RBM14: variants seen among roughly 807,000 people sequenced by gnomAD.
RBM14 encodes RNA-binding protein 14.
Under a neutral mutation model 52.8 loss-of-function variants are expected in RBM14, and 5 were observed. That is an observed-to-expected ratio of 0.09 (90% CI 0.05 to 0.20). The LOEUF (loss-of-function observed/expected upper bound fraction) is 0.20, where lower values mean the gene tolerates loss of function less well. Among genes scored for constraint, RBM14 ranks in the 10% least tolerant of loss-of-function variants. The probability of loss-of-function intolerance (pLI) is 1.00; values close to 1 mark genes in which losing one functional copy is unlikely to be tolerated. For missense variants in RBM14, 780 were observed against 926.6 expected (o/e 0.84, Z 2.05); for synonymous variants, 411 against 401.8 (o/e 1.02, Z -0.28).
Position 66,625,421 on chromosome 11 carries a change from T to C in RBM14, c.1545T>C (p.Pro515=). ...AACCTTCTGCCACCCTGGCAGCTCC[T>C]TACCGCACTCAGTCATCAGCCTCAT... ...GAQPSATLAA[P]YRTQSSASLA... Residue 515 remains proline, a synonymous_variant, in exon 2 of 3, where the codon CCT becomes CCC. Transcript: ENST00000310137. This position sits in a 1 kb window ranked among gnomAD's most constrained non-coding sequence, Gnocchi z 4.2. 6.8e-6 allele frequency: 11 copies of C among 1,613,710 alleles called. No individual in the cohort carries two copies. The highest frequency in any genetic ancestry group is 9.3e-6 in the Non-Finnish European group (11 of 1,179,952).
rs139590810 is a variant in RBM14 at position 66,624,782 on chromosome 11, C to T, written c.906C>T (p.Leu302=). The T allele has an allele frequency of 2.4e-3, 3,949 of 1,614,110 alleles. 11 individuals carry two copies. The highest frequency in any genetic ancestry group is 3.0e-3 in the Non-Finnish European group (3,546 of 1,179,988). The part of the protein sequence containing the change: ...PSSQSAAASS[L]GPYGGAQPSA... ...CCCAGTCTGCTGCAGCTTCTTCACT[C>T]GGCCCATATGGTGGAGCCCAGCCCT... Residue 302 remains leucine, a synonymous_variant, in exon 2 of 3, where the codon CTC becomes CTT. Coordinates refer to ENST00000310137, the MANE Select transcript of RBM14 (RefSeq NM_006328.4). This position sits in a 1 kb window ranked among gnomAD's most constrained non-coding sequence, Gnocchi z 4.7.
In RBM14 at chr11:66,618,591, A is replaced by G. The variant is rs1858954086; in HGVS notation, c.337+1534A>G. 5.6e-6 allele frequency: 4 copies of G among 717,254 alleles called. No individual in the cohort carries two copies. In the East Asian group the frequency reaches 8.0e-5, roughly 14 times the overall value. The allele number at this position is 717,254 out of a possible 1,614,324, so 44.4% of individuals were successfully genotyped here. A position where few individuals can be genotyped will look rare whatever the true frequency, so the allele number is the denominator to read the frequency against. Reference sequence around the variant, plus strand: ...ATGGATTTTTGCTTTTGTTTAGAGTAAAAGAGTGGTGGGGGAGGGTCTCAG... The same window carrying G: ...ATGGATTTTTGCTTTTGTTTAGAGTGAAAGAGTGGTGGGGGAGGGTCTCAG... On this transcript the variant is annotated intron_variant, in intron 1 of 2. Coordinates refer to ENST00000310137, the MANE Select transcript of RBM14 (RefSeq NM_006328.4).
In RBM14 at chr11:66,627,958, G is replaced by A. The variant is rs1358277089; in HGVS notation, c.*1290G>A. ...GAGCTGTACCATGGAGCATCCTCCT[G>A]TGTCCTGCCAACCCCTGCCATTATA... On this transcript the variant is annotated 3_prime_UTR_variant, in exon 3 of 3. Coordinates refer to ENST00000310137, the MANE Select transcript of RBM14 (RefSeq NM_006328.4). Among the ~76,000 whole-genome samples the A allele has an allele frequency of 6.6e-6, 1 of 152,138 alleles. No homozygotes were observed. Among genetic ancestry groups the A allele is most frequent in the Admixed American group, 6.6e-5 (1 of 15,266 alleles).
intron 1 of RBM14, chr11:66,618,416 A>G (rs1357732800): frequency 7.2e-6 from 5 of 696,570 alleles, no homozygotes; most frequent in Non-Finnish European, 1.3e-5. Flanking sequence ...AGTGGGGGAA[A>G]TATAAAGGGT....
chr11:66,616,791 C>T lies in RBM14; in HGVS notation c.71C>T (p.Pro24Leu). 1.2e-6 allele frequency: 2 copies of T among 1,608,986 alleles called. No homozygotes were observed. Among genetic ancestry groups the T allele is most frequent in the Non-Finnish European group, 1.7e-6 (2 of 1,176,758 alleles). ...TPEELAALFA[P>L]YGTVMSCAVM... is the part of the protein sequence containing the mutation. ...GAGGAGCTGGCAGCCCTCTTTGCGCCCTACGGCACGGTCATGAGCTGCGCC... is the reference window on the plus strand; with the variant it reads ...GAGGAGCTGGCAGCCCTCTTTGCGCTCTACGGCACGGTCATGAGCTGCGCC... Residue 24 changes from proline to leucine, a missense_variant, in exon 1 of 3, where the codon CCC (proline) becomes CTC (leucine). Physicochemically the swap from Pro to Leu is moderately conservative, Grantham distance 98 (BLOSUM62 -3). Around this residue, in one of 4 missense-constraint regions of RBM14, gnomAD observed 71 missense variants for 119.2 expected, o/e 0.60. Transcript: ENST00000310137.
In RBM14 at chr11:66,625,268, G is replaced by T; in HGVS notation, c.1392G>T (p.Gln464His). The stretch of plus-strand genomic sequence containing the variant: ...CAATGGCTGGCTCCTATGGGGCCCA[G>T]CCGGTTGTGCAGACCCAGCTGAATA... ...TTPMAGSYGA[Q>H]PVVQTQLNSY... Residue 464 changes from glutamine (Q) to histidine (H), a missense_variant, in exon 2 of 3, where the codon CAG (glutamine) becomes CAT (histidine). Physicochemically the swap from Gln to His is conservative, Grantham distance 24. Around this residue, in one of 4 missense-constraint regions of RBM14, gnomAD observed 675 missense variants for 697.3 expected, o/e 0.97. Coordinates refer to ENST00000310137, the MANE Select transcript of RBM14 (RefSeq NM_006328.4). The surrounding 1 kb of genome is among the most constrained non-coding windows in gnomAD (Gnocchi z 4.2). 6.2e-7 allele frequency: 1 copy of T among 1,612,682 alleles called. No individual in the cohort carries two copies.
chr11:66,618,460 C>T (rs1858949486), intron 1 of RBM14: 1 of 716,718 alleles, frequency 1.4e-6, no homozygotes, highest in Admixed American at 2.0e-5. Context: ...AGTCCTTGTT[C>T]TGCATTAATA....
chr11:66,624,052 T>C lies in RBM14; in HGVS notation c.338-162T>C. 1 of 1,200,960 alleles carries C rather than the reference T, an allele frequency of 8.3e-7. No homozygotes were observed. Among genetic ancestry groups the C allele is most frequent in the Non-Finnish European group, 1.2e-6 (1 of 828,282 alleles). The allele number at this position is 1,200,960 out of a possible 1,614,324, so 74.4% of individuals were successfully genotyped here. ...TGCTTGGGACAGTCAGAAGCTTTGT[T>C]ATATGGGAGCTACATTTTATGACAT... On this transcript the variant is annotated intron_variant, in intron 1 of 2. Transcript: ENST00000310137. The surrounding 1 kb of genome is among the most constrained non-coding windows in gnomAD (Gnocchi z 4.7).
Position 66,626,819 on chromosome 11 carries a change from T to C in RBM14, c.*151T>C. ...GTGGGCCTTCCCCAGGAGATGATCC[T>C]GTTAAGTGTTCGGCAGTAACCTACT... On this transcript the variant is annotated 3_prime_UTR_variant, in exon 3 of 3. Coordinates refer to ENST00000310137, the MANE Select transcript of RBM14 (RefSeq NM_006328.4). 2.6e-6 allele frequency: 2 copies of C among 766,560 alleles called. No homozygotes were observed. The highest frequency in any genetic ancestry group is 2.7e-5 in the East Asian group (1 of 36,780). 47.5% of individuals were successfully genotyped at this position (766,560 alleles called of 1,614,324 possible). A position where few individuals can be genotyped will look rare whatever the true frequency, so the allele number is the denominator to read the frequency against.
Position 66,625,527 on chromosome 11 carries a change from G to T in RBM14, c.1651G>T (p.Ala551Ser). ...CCAGCCAGGCAATGCCTACGATGGG[G>T]CAGGTCAGCCGTCTGCAGCCTACCT... The part of the protein sequence containing the change: ...RGQPGNAYDG[A>S]GQPSAAYLSM... The change falls in exon 2 of 3, where the codon GCA (alanine) becomes TCA (serine). Residue 551 changes from alanine (A) to serine (S), a missense_variant. Physicochemically the swap from Ala to Ser is moderately conservative, Grantham distance 99 (BLOSUM62 1). Coordinates refer to ENST00000310137, the MANE Select transcript of RBM14 (RefSeq NM_006328.4). The surrounding 1 kb of genome is among the most constrained non-coding windows in gnomAD (Gnocchi z 4.2). 1 of 1,612,594 alleles carries T rather than the reference G, an allele frequency of 6.2e-7. No homozygotes were observed.
rs1937670869 is a variant in RBM14, at chr11:66,624,046, C to G, written c.338-168C>G. 4 of 1,168,712 alleles carry G rather than the reference C, an allele frequency of 3.4e-6. No individual in the cohort carries two copies. Among genetic ancestry groups the G allele is most frequent in the Non-Finnish European group, 5.0e-6 (4 of 798,928 alleles). 72.4% of individuals were successfully genotyped at this position (1,168,712 alleles called of 1,614,324 possible). On this transcript the variant is annotated intron_variant, in intron 1 of 2. Transcript: ENST00000310137. This position sits in a 1 kb window ranked among gnomAD's most constrained non-coding sequence, Gnocchi z 4.7. ...GATGACTGCTTGGGACAGTCAGAAG[C>G]TTTGTTATATGGGAGCTACATTTTA...
rs753725195 is a variant in RBM14, at chr11:66,625,521, G to T, written c.1645G>T (p.Asp549Tyr). ...CCGCGGCCAGCCAGGCAATGCCTAC[G>T]ATGGGGCAGGTCAGCCGTCTGCAGC... ...SYRGQPGNAY[D>Y]GAGQPSAAYL... The change falls in exon 2 of 3, where the codon GAT becomes TAT. Residue 549 changes from aspartate (D) to tyrosine (Y), a missense_variant. This residue lies in a region of RBM14 where 675 missense variants were observed against 697.3 expected (regional missense o/e 0.97). Coordinates refer to ENST00000310137, the MANE Select transcript of RBM14 (RefSeq NM_006328.4). The surrounding 1 kb of genome is among the most constrained non-coding windows in gnomAD (Gnocchi z 4.2). 6.2e-7 allele frequency: 1 copy of T among 1,612,840 alleles called. No individual in the cohort carries two copies. The highest frequency in any genetic ancestry group is 1.1e-5 in the South Asian group (1 of 91,024).
In RBM14 at chr11:66,625,022, C is replaced by G; in HGVS notation, c.1146C>G (p.Ala382=). 12 of 1,613,580 alleles carry G rather than the reference C, an allele frequency of 7.4e-6. No individual in the cohort carries two copies. Among genetic ancestry groups the G allele is most frequent in the Non-Finnish European group, 1.0e-5 (12 of 1,179,866 alleles). ...SSLGSYGAQA[A]SYGAQSAASS... ...TAGGCTCCTACGGGGCTCAGGCAGC[C>G]TCCTATGGGGCCCAGTCTGCAGCCT... Residue 382 remains alanine (A), a synonymous_variant, in exon 2 of 3, where the codon GCC becomes GCG. Coordinates refer to ENST00000310137, the MANE Select transcript of RBM14 (RefSeq NM_006328.4). The surrounding 1 kb of genome is among the most constrained non-coding windows in gnomAD (Gnocchi z 4.2).
Position 66,626,767 on chromosome 11 carries a change from G to A in RBM14, c.*99G>A, listed in dbSNP as rs1034191163. ...ACTACTCTGGCCCATACCTTTCCTG[G>A]TTGTGGTTTTTCATGCCCTCTACCA... On this transcript the variant is annotated 3_prime_UTR_variant, in exon 3 of 3. Transcript: ENST00000310137. The A allele has an allele frequency of 1.6e-6, 2 of 1,253,398 alleles. No individual in the cohort carries two copies. The highest frequency in any genetic ancestry group is 2.2e-6 in the Non-Finnish European group (2 of 926,606). 77.6% of individuals were successfully genotyped at this position (1,253,398 alleles called of 1,614,324 possible).
Position 66,629,713 on chromosome 11 carries a change from T to C in RBM14, c.*3045T>C, listed in dbSNP as rs981632300. On this transcript the variant is annotated 3_prime_UTR_variant, in exon 3 of 3. Coordinates refer to ENST00000310137, the MANE Select transcript of RBM14 (RefSeq NM_006328.4). Reference sequence around the variant, plus strand: ...AAAGGTCATAAAGGGTAAAAGTCTATAGTTTTCCAGAAAATAATTCTTAAA... The same window carrying C: ...AAAGGTCATAAAGGGTAAAAGTCTACAGTTTTCCAGAAAATAATTCTTAAA... Among the ~76,000 whole-genome samples, 2 of 152,214 alleles carry C rather than the reference T, an allele frequency of 1.3e-5. No individual in the cohort carries two copies. The highest frequency in any genetic ancestry group is 6.5e-5 in the Admixed American group (1 of 15,270).
chr11:66,626,565 G>A lies in RBM14; in HGVS notation c.1907G>A (p.Arg636His), dbSNP rs1448832402. Residue 636 changes from arginine to histidine, a missense_variant, in exon 3 of 3, where the codon CGT (arginine) becomes CAT (histidine). By Grantham distance (29) the Arg-to-His change is conservative (BLOSUM62 0). Transcript: ENST00000310137. ...CCGACAAAGTCCTCGCTGGATTACC[G>A]TCGCCTGCCCGATGCCCATTCCGAT... ...RSPTKSSLDY[R>H]RLPDAHSDYA... 4.3e-6 allele frequency: 7 copies of A among 1,613,922 alleles called. No individual in the cohort carries two copies. The highest frequency in any genetic ancestry group is 5.1e-6 in the Non-Finnish European group (6 of 1,180,018).
chr11:66,624,930 G>C lies in RBM14; in HGVS notation c.1054G>C (p.Ala352Pro). The change falls in exon 2 of 3, where the codon GCT becomes CCT. Residue 352 changes from alanine to proline, a missense_variant. This residue lies in a region of RBM14 where 675 missense variants were observed against 697.3 expected (regional missense o/e 0.97). Coordinates refer to ENST00000310137, the MANE Select transcript of RBM14 (RefSeq NM_006328.4). This position sits in a 1 kb window ranked among gnomAD's most constrained non-coding sequence, Gnocchi z 4.7. ...CCAGCCATCCTCTTACGGCGCCCAG[G>C]CTGCCTCTTCCTATGGGGTTCGTGC... ...GNQPSSYGAQ[A>P]ASSYGVRAAA... The C allele has an allele frequency of 1.2e-6, 2 of 1,613,790 alleles. No individual in the cohort carries two copies. Among genetic ancestry groups the C allele is most frequent in the African/African-American group, 1.3e-5 (1 of 74,890 alleles).
In RBM14 at chr11:66,625,277, G is replaced by A. The variant is rs148784032; in HGVS notation, c.1401G>A (p.Val467=). The A allele has an allele frequency of 6.2e-7, 1 of 1,612,566 alleles. No homozygotes were observed. The highest frequency in any genetic ancestry group is 8.5e-7 in the Non-Finnish European group (1 of 1,179,738). The change falls in exon 2 of 3, where the codon GTG becomes GTA. Residue 467 remains valine, a synonymous_variant. Coordinates refer to ENST00000310137, the MANE Select transcript of RBM14 (RefSeq NM_006328.4). The surrounding 1 kb of genome is among the most constrained non-coding windows in gnomAD (Gnocchi z 4.2). ...MAGSYGAQPV[V]QTQLNSYGAQ... ...GCTCCTATGGGGCCCAGCCGGTTGT[G>A]CAGACCCAGCTGAATAGTTACGGGG... is the stretch of plus-strand genomic sequence containing the variant.
At chr11:66,617,443 C>T (rs1858890720) in intron 1 of RBM14, 2 of 1,042,894 alleles carry the variant, frequency 1.9e-6, no homozygotes, top group Non-Finnish European at 2.3e-6. Context: ...TCCACTTCCC[C>T]ACTTCCTCTC....
Sources: allele counts gnomAD v4.1 joint callset (sites outside exome capture counted in the v4.1 genomes callset), GRCh38; gene constraint gnomAD v4.1.1; regional missense constraint gnomAD v4.1.1; non-coding constraint Gnocchi (gnomAD v3.1); transcripts MANE v1.5; gene names NCBI Gene and HGNC (gene_info 2026-07-23, HGNC 2026-07-21).